The following FTO variants were observed in gnomAD, a reference collection of about 807,000 sequenced individuals.
The protein encoded by FTO is alpha-ketoglutarate-dependent dioxygenase FTO.
Under a neutral mutation model 63.9 loss-of-function variants are expected in FTO, and 47 were observed. The observed-to-expected ratio is 0.74, with a 90% CI of 0.58 to 0.94. FTO has a LOEUF of 0.94. FTO is among the 40% of genes least tolerant of loss of function. The pLI is 0.00. For missense variants in FTO, 562 were observed against 618.1 expected (o/e 0.91, Z 0.96); for synonymous variants, 207 against 224.4 (o/e 0.92, Z 0.69).
At chr16:53,744,925 T>TC (rs1400799005) in intron 1 of FTO, among the ~76,000 whole-genome samples, 1 of 152,068 alleles carries the variant, frequency 6.6e-6, no homozygotes, top group Non-Finnish European at 1.5e-5. Flanking sequence ...AAACATTGGT[T>TC]CAGTCTACTG....
chr16:54,041,902 G>T (rs191876300), intron 8 of FTO, among the ~76,000 whole-genome samples: 1 of 152,178 alleles, frequency 6.6e-6, no homozygotes, highest in Non-Finnish European at 1.5e-5. Flanking sequence ...AAACCTGCTC[G>T]AATAGAAGAG....
intron 8 of FTO, among the ~76,000 whole-genome samples, chr16:53,987,146 T>C (rs1423917895): frequency 2.0e-5 from 3 of 152,122 alleles, no homozygotes; most frequent in African/African-American, 7.2e-5. Flanking sequence ...AAAAAGGATA[T>C]ACAGAGCACT....
rs1599389686 is a variant in FTO at position 54,114,567 on chromosome 16, C to T, written c.*2652C>T. 1 of 152,116 alleles carries T rather than the reference C, an allele frequency of 6.6e-6. No individual in the cohort carries two copies. The highest frequency in any genetic ancestry group is 1.9e-4 in the East Asian group (1 of 5,176). 9.4% of individuals were successfully genotyped at this position (152,116 alleles called of 1,614,324 possible). A position where few individuals can be genotyped will look rare whatever the true frequency, so the allele number is the denominator to read the frequency against. On this transcript the variant is annotated 3_prime_UTR_variant, in exon 9 of 9. Coordinates refer to ENST00000471389, the MANE Select transcript of FTO (RefSeq NM_001080432.3). The stretch of plus-strand genomic sequence containing the variant: ...GTTCTCAAAGTCCTCCAGGTGGAGT[C>T]AGGGAATGTGCAACAGGGTTGGAGA...
chr16:53,796,429 T>A (rs1345673867), intron 1 of FTO, among the ~76,000 whole-genome samples: 3 of 152,196 alleles, frequency 2.0e-5, no homozygotes, highest in Non-Finnish European at 4.4e-5. Context: ...GTTATTGGTT[T>A]AAATACTACT....
chr16:54,042,049 A>G (rs1328931564), intron 8 of FTO, among the ~76,000 whole-genome samples: 3 of 152,298 alleles, frequency 2.0e-5, no homozygotes, highest in South Asian at 4.1e-4. Flanking sequence ...AGAAAGGAAT[A>G]TGTCCTAGGT....
At chr16:53,916,552 C>A (rs932249531) in intron 7 of FTO, among the ~76,000 whole-genome samples, 35 of 152,284 alleles carry the variant, frequency 2.3e-4, no homozygotes, top group African/African-American at 7.7e-4. Context: ...GAACATTGAA[C>A]ATTGGGTATT....
chr16:53,801,139 G>A (rs930317756), intron 1 of FTO, among the ~76,000 whole-genome samples: 1 of 151,530 alleles, frequency 6.6e-6, no homozygotes, highest in Non-Finnish European at 1.5e-5. Flanking sequence ...TACCACTTTT[G>A]TCTATTCTTT....
chr16:53,795,712 A>G (rs968935430), intron 1 of FTO, among the ~76,000 whole-genome samples: 14 of 152,352 alleles, frequency 9.2e-5, no homozygotes, highest in African/African-American at 3.1e-4. Context: ...TGTAGAATTT[A>G]AGGGATATAG....
At chr16:53,802,486 T>G (rs1233824365) in intron 1 of FTO, among the ~76,000 whole-genome samples, 2 of 152,202 alleles carry the variant, frequency 1.3e-5, no homozygotes, top group Non-Finnish European at 2.9e-5. Flanking sequence ...TAAGACTTTA[T>G]CTTTTTCACT....
In FTO at chr16:53,879,995, C is replaced by CT. The variant is rs747026383; in HGVS notation, c.1119+11dup. On this transcript the variant is annotated intron_variant, in intron 6 of 8. Coordinates refer to ENST00000471389, the MANE Select transcript of FTO (RefSeq NM_001080432.3). Reference sequence around the variant, plus strand: ...GAAGAAATTCATAATGAGGTAAGGACTTTCTTTTTTTTTTTTTGAGATGGA... The same window carrying CT: ...GAAGAAATTCATAATGAGGTAAGGACTTTTCTTTTTTTTTTTTTGAGATGGA... 6 of 1,598,812 alleles carry CT rather than the reference C, an allele frequency of 3.8e-6. No homozygotes were observed. In the African/African-American group the frequency reaches 4.1e-5, roughly 11 times the overall value.
chr16:54,110,676 TAGTC>T (rs1223052014), intron 8 of FTO, among the ~76,000 whole-genome samples: 1 of 152,240 alleles, frequency 6.6e-6, no homozygotes, highest in Non-Finnish European at 1.5e-5. Context: ...GATCTCTTCA[TAGTC>T]AGTCCTACAC....
At chr16:53,788,327 A>AG (rs1567986734) in intron 1 of FTO, among the ~76,000 whole-genome samples, 1 of 151,478 alleles carries the variant, frequency 6.6e-6, no homozygotes, top group African/African-American at 2.4e-5. Flanking sequence ...ATTTGGCCAG[A>AG]TGGGGTGGCT....
chr16:53,795,069 A>G (rs780961407), intron 1 of FTO, among the ~76,000 whole-genome samples: 3 of 152,172 alleles, frequency 2.0e-5, no homozygotes, highest in Non-Finnish European at 4.4e-5. Context: ...ATGAAAAATG[A>G]TGTTTAAAAA....
intron 8 of FTO, among the ~76,000 whole-genome samples, chr16:53,977,810 A>G (rs2083462116): frequency 6.6e-6 from 1 of 152,182 alleles, no homozygotes; most frequent in African/African-American, 2.4e-5. Context: ...GCATAAAACT[A>G]TAGTTTTAGT....
chr16:54,054,746 G>A (rs886110198), intron 8 of FTO, among the ~76,000 whole-genome samples: 16 of 152,200 alleles, frequency 1.1e-4, no homozygotes, highest in African/African-American at 3.4e-4. Context: ...GACAAGACAG[G>A]AAGATGAAAT....
chr16:53,805,702 C>T (rs1432534073), intron 1 of FTO, among the ~76,000 whole-genome samples: 3 of 152,020 alleles, frequency 2.0e-5, no homozygotes, highest in East Asian at 3.9e-4. Context: ...GTCCTGCCTC[C>T]ACCTCCCAAA....
chr16:53,949,597 G>A (rs542745687), intron 8 of FTO, among the ~76,000 whole-genome samples: 3 of 151,472 alleles, frequency 2.0e-5, no homozygotes, highest in South Asian at 4.2e-4. Flanking sequence ...AAAGAAACAC[G>A]AATGTCTATG....
intron 7 of FTO, among the ~76,000 whole-genome samples, chr16:53,899,835 T>C (rs567900391): frequency 3.7e-4 from 57 of 152,192 alleles, no homozygotes; most frequent in Non-Finnish European, 6.6e-4. Flanking sequence ...AGGAAGTCTT[T>C]TGCTAGAACA....
chr16:53,829,753 G>A (rs896301548), intron 3 of FTO, among the ~76,000 whole-genome samples: 2 of 151,004 alleles, frequency 1.3e-5, no homozygotes, highest in African/African-American at 5.0e-5. Flanking sequence ...GAGGTAATAG[G>A]GAGGTAATAG....
Sources: allele counts gnomAD v4.1 joint callset (sites outside exome capture counted in the v4.1 genomes callset), GRCh38; gene constraint gnomAD v4.1.1; transcripts MANE v1.5; gene names NCBI Gene and HGNC (gene_info 2026-07-23, HGNC 2026-07-21).